NRXN1: variants seen among roughly 807,000 people sequenced by gnomAD.
The protein encoded by NRXN1 is neurexin-1.
Under a neutral mutation model 150.9 loss-of-function variants are expected in NRXN1, and 39 were observed. The observed-to-expected ratio is 0.26, with a 90% CI of 0.20 to 0.34. The LOEUF (loss-of-function observed/expected upper bound fraction) is 0.34. Ranked by LOEUF, NRXN1 falls within the 10% of genes least tolerant of loss-of-function variation. The probability of loss-of-function intolerance (pLI) is 1.00; values close to 1 mark genes in which losing one functional copy is unlikely to be tolerated. For synonymous variants in NRXN1, 924 were observed against 757.0 expected, an observed-to-expected ratio of 1.22 and a Z score of -3.62; for missense variants, 1,815 against 1,949.9, an observed-to-expected ratio of 0.93 and a Z score of 1.30.
At chr2:50,468,147 G>T (rs1390910694) in intron 16 of NRXN1, among the ~76,000 whole-genome samples, 1 of 151,594 alleles carries the variant, frequency 6.6e-6, no homozygotes, top group Non-Finnish European at 1.5e-5. Flanking sequence ...AGAAGAAAAG[G>T]TCAGAAGCAA....
intron 5 of NRXN1, among the ~76,000 whole-genome samples, chr2:50,892,277 T>A (rs1416193039): frequency 6.6e-6 from 1 of 152,106 alleles, no homozygotes; most frequent in Non-Finnish European, 1.5e-5. Context: ...AAATGAAGTT[T>A]TGAGAATGGA....
chr2:50,532,542 A>G (rs1363139385), intron 10 of NRXN1, among the ~76,000 whole-genome samples: 1 of 152,128 alleles, frequency 6.6e-6, no homozygotes, highest in African/African-American at 2.4e-5. Flanking sequence ...TCCTTTTAAG[A>G]TTAATTTATA....
chr2:50,420,289 T>C (rs898901377), intron 17 of NRXN1, among the ~76,000 whole-genome samples: 1 of 151,860 alleles, frequency 6.6e-6, no homozygotes, highest in Admixed American at 6.6e-5. Context: ...TCATTATTAA[T>C]AGAAAGTGAA....
chr2:50,771,220 A>G (rs1049106673), intron 5 of NRXN1, among the ~76,000 whole-genome samples: 3 of 152,104 alleles, frequency 2.0e-5, no homozygotes, highest in African/African-American at 7.2e-5. Context: ...TATGATCATC[A>G]TTTGACCTCT....
intron 21 of NRXN1, among the ~76,000 whole-genome samples, chr2:50,024,637 C>T (rs756450170): frequency 1.1e-4 from 16 of 150,846 alleles, no homozygotes; most frequent in Admixed American, 2.6e-4. Flanking sequence ...TTTTTGGAGA[C>T]GAAGTCTGGC....
At chr2:50,959,019 T>C (rs1299006540) in intron 2 of NRXN1, among the ~76,000 whole-genome samples, 1 of 152,136 alleles carries the variant, frequency 6.6e-6, no homozygotes, top group Non-Finnish European at 1.5e-5. Context: ...TTTTTGTGTC[T>C]ACATTCATGA....
Position 50,495,969 on chromosome 2 carries a change from A to G in NRXN1, c.3006T>C (p.Thr1002=). 6.2e-7 allele frequency: 1 copy of G among 1,611,816 alleles called. No homozygotes were observed. Among genetic ancestry groups the G allele is most frequent in the Non-Finnish European group, 8.5e-7 (1 of 1,179,214 alleles). Residue 1002 remains threonine, a synonymous_variant, in exon 15 of 23, where the codon ACT becomes ACC. Coordinates refer to ENST00000401669, the MANE Select transcript of NRXN1 (RefSeq NM_001330078.2). ...TTGTGATTTTTGTGTCAATCTTTACAGTGTGGAGGTTGCTGGTGTCCCTTG... is the reference window on the plus strand; with the variant it reads ...TTGTGATTTTTGTGTCAATCTTTACGGTGTGGAGGTTGCTGGTGTCCCTTG... The part of the protein sequence containing the change: ...MISRDTSNLH[T]VKIDTKITTQ...
intron 5 of NRXN1, chr2:50,624,727 A>G (rs562615524): frequency 1.8e-4 from 28 of 152,188 alleles, no homozygotes; most frequent in Admixed American, 1.5e-3. Flanking sequence ...CTGTTATGAC[A>G]CTGGTAAGAA....
chr2:50,085,019 A>T (rs1193436382), intron 19 of NRXN1, among the ~76,000 whole-genome samples: 1 of 152,234 alleles, frequency 6.6e-6, no homozygotes, highest in Non-Finnish European at 1.5e-5. Flanking sequence ...ATTAAACAGG[A>T]AAAGTCAGAG....
chr2:50,028,224 T>C (rs1479339059), intron 21 of NRXN1, among the ~76,000 whole-genome samples: 1 of 152,194 alleles, frequency 6.6e-6, no homozygotes, highest in Non-Finnish European at 1.5e-5. Flanking sequence ...TCTTTAAAAT[T>C]CTTTTTGTGG....
chr2:50,635,015 G>A (rs1683020137), intron 5 of NRXN1, among the ~76,000 whole-genome samples: 1 of 152,032 alleles, frequency 6.6e-6, no homozygotes, highest in East Asian at 1.9e-4. Flanking sequence ...ATAGCATCTG[G>A]CTGCTCTAAT....
At chr2:50,429,908 A>T (rs952630825) in intron 17 of NRXN1, among the ~76,000 whole-genome samples, 1 of 152,200 alleles carries the variant, frequency 6.6e-6, no homozygotes, top group Non-Finnish European at 1.5e-5. Context: ...CTATCACTTA[A>T]GCACTTTAAT....
At chr2:50,304,510 C>T (rs2074435756) in intron 17 of NRXN1, among the ~76,000 whole-genome samples, 1 of 152,174 alleles carries the variant, frequency 6.6e-6, no homozygotes, top group Non-Finnish European at 1.5e-5. Context: ...TAGGAGCCAG[C>T]TAATCCCTTT....
chr2:50,336,648 C>A (rs1208977330), intron 17 of NRXN1, among the ~76,000 whole-genome samples: 1 of 152,140 alleles, frequency 6.6e-6, no homozygotes. Flanking sequence ...TCTATTATCA[C>A]AGCAGATTAT....
intron 5 of NRXN1, among the ~76,000 whole-genome samples, chr2:50,678,946 G>A (rs932900361): frequency 6.6e-5 from 10 of 152,070 alleles, no homozygotes; most frequent in Non-Finnish European, 1.5e-4. Context: ...ACTGCACAGT[G>A]AAGCATTAGA....
chr2:50,119,210 A>G (rs1351580042), intron 18 of NRXN1, among the ~76,000 whole-genome samples: 3 of 152,172 alleles, frequency 2.0e-5, no homozygotes, highest in Non-Finnish European at 4.4e-5. Context: ...ATGTCTTACC[A>G]TTATGTGTCT....
In NRXN1 at chr2:50,174,603, G is replaced by C. The variant is rs1376135374; in HGVS notation, c.3546+62186C>G. On this transcript the variant is annotated intron_variant, in intron 18 of 22. Transcript: ENST00000401669. ...CACAGCACAGCAATTAAGAATAAGG[G>C]TCTGTCTGGTTTTAAACCTTAGTTC... The C allele has an allele frequency of 2.0e-5, 3 of 152,064 alleles. No individual in the cohort carries two copies. In the East Asian group the frequency reaches 5.8e-4, roughly 29 times the overall value. The allele number at this position is 152,064 out of a possible 1,614,324, so 9.4% of individuals were successfully genotyped here.
At chr2:50,482,265 C>T (rs558852173) in intron 15 of NRXN1, among the ~76,000 whole-genome samples, 28 of 152,114 alleles carry the variant, frequency 1.8e-4, no homozygotes, top group Admixed American at 7.8e-4. Context: ...AGTAATCCAT[C>T]TTCTTTTAAA....
intron 21 of NRXN1, among the ~76,000 whole-genome samples, chr2:50,025,233 A>C (rs1688109004): frequency 6.6e-6 from 1 of 152,182 alleles, no homozygotes; most frequent in South Asian, 2.1e-4. Flanking sequence ...GTTCCTTTTA[A>C]CTGCATATTC....
Sources: allele counts gnomAD v4.1 joint callset (sites outside exome capture counted in the v4.1 genomes callset), GRCh38; gene constraint gnomAD v4.1.1; transcripts MANE v1.5; gene names NCBI Gene and HGNC (gene_info 2026-07-23, HGNC 2026-07-21).